C5: variants seen among roughly 807,000 people sequenced by gnomAD.
C5 encodes the protein C3 and PZP-like alpha-2-macroglobulin domain-containing protein 4.
C5 carries 140 observed loss-of-function variants against 218.8 expected under a neutral mutation model. The observed-to-expected ratio is 0.64, with a 90% CI of 0.56 to 0.74. C5 has a LOEUF of 0.74. Ranked by LOEUF, C5 falls within the 30% of genes least tolerant of loss-of-function variation. The pLI is 0.00. For synonymous variants in C5, 614 were observed against 682.3 expected, an observed-to-expected ratio of 0.90 and a Z score of 1.56; for missense variants, 1,700 against 1,969.6, an observed-to-expected ratio of 0.86 and a Z score of 2.59.
chr9:121,074,182 C>T, the C5 span, among the ~76,000 whole-genome samples: 2 of 152,048 alleles, frequency 1.3e-5, no homozygotes, highest in Non-Finnish European at 2.9e-5. Context: ...ACCTTCAAAA[C>T]GGGAGGCTAC....
intron 25 of C5, among the ~76,000 whole-genome samples, chr9:120,986,856 T>C (rs910883571): frequency 6.6e-6 from 1 of 152,222 alleles, no homozygotes; most frequent in Non-Finnish European, 1.5e-5. Flanking sequence ...ATCCTCCTGC[T>C]TCAGCCTCCC....
Position 121,002,335 on chromosome 9 carries a change from T to TACACAC in C5, c.2562+3583_2562+3584insGTGTGT, listed in dbSNP as rs1467874540. On this transcript the variant is annotated intron_variant, in intron 20 of 40. Coordinates refer to ENST00000223642, the MANE Select transcript of C5 (RefSeq NM_001735.3). Reference sequence around the variant, plus strand: ...GTGTGTGTATATATATATATATATATATATATACACACATACCTACACAAG... The same window carrying TACACAC: ...GTGTGTGTATATATATATATATATATACACACATATATACACACATACCTACACAAG... 8.9e-4 allele frequency among the ~76,000 whole-genome samples: 97 copies of TACACAC among 109,428 alleles called. 5 individuals are homozygous for TACACAC. Among genetic ancestry groups the TACACAC allele is most frequent in the Middle Eastern group, 8.5e-3 (2 of 236 alleles). The allele number at this position is 109,428 out of a possible 152,430, so 71.8% of individuals were successfully genotyped here.
intron 14 of C5, among the ~76,000 whole-genome samples, chr9:121,016,592 A>T (rs2047309312): frequency 6.6e-6 from 1 of 152,246 alleles, no homozygotes; most frequent in South Asian, 2.1e-4. Flanking sequence ...AGTTAAATCA[A>T]GAACTAAGTC....
chr9:120,969,677 G>A (rs918700105), intron 32 of C5, among the ~76,000 whole-genome samples: 1 of 152,146 alleles, frequency 6.6e-6, no homozygotes, highest in African/African-American at 2.4e-5. Flanking sequence ...TGGTACAGGA[G>A]AGACTAAAAA....
chr9:121,015,346 T>A, intron 15 of C5, 85 bp from the exon 16 acceptor site: 1 of 847,558 alleles, frequency 1.2e-6, no homozygotes, highest in Non-Finnish European at 1.9e-6. Context: ...TATTTAAGTA[T>A]TTAGAGCCTT....
chr9:120,962,614 G>T, intron 36 of C5, 57 bp downstream of exon 36: 1 of 1,304,856 alleles, frequency 7.7e-7, no homozygotes, highest in Non-Finnish European at 1.1e-6. Flanking sequence ...ATTTCTAAAT[G>T]TTCTGGAAAG....
chr9:121,020,198 A>G lies in C5; in HGVS notation c.1303-19T>C, dbSNP rs746431214. On this transcript the variant is annotated intron_variant, in intron 11 of 40. Coordinates refer to ENST00000223642, the MANE Select transcript of C5 (RefSeq NM_001735.3). ...TTTTGACCTGAAAAGAGAAATTTCA[A>G]AAAGACATGTATACTGTGATGTAAT... The G allele has an allele frequency of 6.5e-7, 1 of 1,546,598 alleles. No individual in the cohort carries two copies. Among genetic ancestry groups the G allele is most frequent in the Non-Finnish European group, 8.9e-7 (1 of 1,118,612 alleles).
intron 20 of C5, among the ~76,000 whole-genome samples, chr9:121,003,279 A>C (rs1271174855): frequency 2.0e-5 from 3 of 152,126 alleles, no homozygotes; most frequent in African/African-American, 7.2e-5. Context: ...TGACAGAGCA[A>C]GACTCTGTCT....
At chr9:121,066,931 C>T in the C5 span, among the ~76,000 whole-genome samples, 1 of 149,948 alleles carries the variant, frequency 6.7e-6, no homozygotes, top group Non-Finnish European at 1.5e-5. Context: ...CAAAGTTCAA[C>T]ATCCTTTATT....
intron 39 of C5, among the ~76,000 whole-genome samples, chr9:120,954,386 T>G (rs564773379): frequency 6.6e-6 from 1 of 152,252 alleles, no homozygotes; most frequent in Non-Finnish European, 1.5e-5. Flanking sequence ...ACTTCAAAGA[T>G]AGTAATTTTG....
chr9:121,012,330 T>C (rs2047268728), intron 17 of C5, among the ~76,000 whole-genome samples: 1 of 152,082 alleles, frequency 6.6e-6, no homozygotes, highest in Non-Finnish European at 1.5e-5. Context: ...GACTAGACTG[T>C]TTATTAAAAT....
intron 30 of C5, 71 bp from the exon 31 acceptor site, chr9:120,972,063 A>G: frequency 7.6e-7 from 1 of 1,317,398 alleles, no homozygotes; most frequent in African/African-American, 1.4e-5. Context: ...TAGAGCTATG[A>G]AAAGTGGGTT....
At chr9:120,992,987 T>G (rs1026946430) in intron 22 of C5, among the ~76,000 whole-genome samples, 11 of 151,758 alleles carry the variant, frequency 7.2e-5, no homozygotes, top group African/African-American at 2.2e-4. Context: ...AATAGAAAAT[T>G]TAAAAACGTG....
chr9:120,952,848 G>T lies in C5; in HGVS notation c.4922C>A (p.Ser1641Tyr). 6.2e-7 allele frequency: 1 copy of T among 1,613,954 alleles called. No homozygotes were observed. Among genetic ancestry groups the T allele is most frequent in the South Asian group, 1.1e-5 (1 of 91,084 alleles). Residue 1641 changes from serine (S) to tyrosine (Y), a missense_variant, in exon 41 of 41, where the codon TCC becomes TAC. Physicochemically the swap from Ser to Tyr is moderately radical, Grantham distance 144. Coordinates refer to ENST00000223642, the MANE Select transcript of C5 (RefSeq NM_001735.3). The stretch of plus-strand genomic sequence containing the variant: ...AGGCCAGTATTCAATCCAGGTCAAG[G>T]AATCTAAAGGGTAGATGTACCTACC... The part of the protein sequence containing the change: ...FSFRYIYPLD[S>Y]LTWIEYWPRD...
intron 12 of C5, among the ~76,000 whole-genome samples, chr9:121,019,154 C>T (rs546823427): frequency 6.6e-6 from 1 of 150,972 alleles, no homozygotes; most frequent in South Asian, 2.1e-4. Flanking sequence ...AAAAAAAAAT[C>T]ACGTGAAGCC....
rs1476053596 is a variant in C5 at position 121,027,286 on chromosome 9, T to C, written c.759-12A>G. 8.1e-7 allele frequency: 1 copy of C among 1,231,824 alleles called. No individual in the cohort carries two copies. 76.3% of individuals were successfully genotyped at this position (1,231,824 alleles called of 1,614,324 possible). A position where few individuals can be genotyped will look rare whatever the true frequency, so the allele number is the denominator to read the frequency against. Reference sequence around the variant, plus strand: ...TATTATAAAAATATCTGTCAGACAATAGCATAAAACTGTTTTACTAACATG... The same window carrying C: ...TATTATAAAAATATCTGTCAGACAACAGCATAAAACTGTTTTACTAACATG... On this transcript the variant is annotated splice_polypyrimidine_tract_variant and intron_variant, in intron 7 of 40. Coordinates refer to ENST00000223642, the MANE Select transcript of C5 (RefSeq NM_001735.3).
At chr9:121,011,670 C>T (rs1206594908) in intron 17 of C5, among the ~76,000 whole-genome samples, 1 of 152,192 alleles carries the variant, frequency 6.6e-6, no homozygotes, top group Non-Finnish European at 1.5e-5. Flanking sequence ...GAGATATCTG[C>T]ACGCCCATGT....
chr9:120,998,426 T>C (rs2047135518), intron 20 of C5, among the ~76,000 whole-genome samples: 1 of 152,236 alleles, frequency 6.6e-6, no homozygotes, highest in Admixed American at 6.5e-5. Flanking sequence ...GTGGGAGCCT[T>C]AGGCTCAGGT....
chr9:121,039,932 C>T (rs1456228945), intron 3 of C5, among the ~76,000 whole-genome samples: 17 of 152,160 alleles, frequency 1.1e-4, no homozygotes, highest in Admixed American at 9.8e-4. Flanking sequence ...CCACCGCGCC[C>T]GGCCTTGAAT....
Sources: gnomAD v4.1 joint callset for allele counts (sites outside exome capture counted in the v4.1 genomes callset) on GRCh38, gnomAD v4.1.1 for gene constraint, MANE v1.5 for transcripts, NCBI Gene and HGNC (gene_info 2026-07-23, HGNC 2026-07-21) for gene names.